Variants in STXBP5L observed in about 807,000 individuals in gnomAD.
STXBP5L encodes the protein syntaxin-binding protein 5-like.
In STXBP5L, 65 loss-of-function variants were observed where a neutral mutation model predicts 144.5. That is an observed-to-expected ratio of 0.45 (90% CI 0.37 to 0.55). STXBP5L has a LOEUF of 0.55. STXBP5L is among the 20% of genes least tolerant of loss of function. STXBP5L has a pLI of 0.00. For missense variants in STXBP5L, 1,298 were observed against 1,405.5 expected (o/e 0.92, Z 1.22); for synonymous variants, 505 against 469.6 (o/e 1.08, Z -0.97).
At chr3:120,950,834 C>T (rs1711171247) in intron 2 of STXBP5L, among the ~76,000 whole-genome samples, 1 of 151,980 alleles carries the variant, frequency 6.6e-6, no homozygotes, top group South Asian at 2.1e-4. Flanking sequence ...CAAAAAAGAG[C>T]CAGCATCGCC....
At chr3:121,005,962 T>G (rs574217837) in intron 3 of STXBP5L, among the ~76,000 whole-genome samples, 1 of 152,198 alleles carries the variant, frequency 6.6e-6, no homozygotes, top group African/African-American at 2.4e-5. Context: ...GAGGAGTGCT[T>G]TACTTCCAAC....
At chr3:121,316,988 T>A (rs796639071) in intron 19 of STXBP5L, among the ~76,000 whole-genome samples, 9 of 152,326 alleles carry the variant, frequency 5.9e-5, no homozygotes, top group African/African-American at 1.9e-4. Context: ...CCTAGAAAAC[T>A]CTTATAGCAA....
intron 3 of STXBP5L, among the ~76,000 whole-genome samples, chr3:120,993,033 G>C (rs1943053009): frequency 6.6e-6 from 1 of 152,018 alleles, no homozygotes; most frequent in South Asian, 2.1e-4. Flanking sequence ...GTTTTGATTT[G>C]CATGTATCTG....
At chr3:121,140,283 G>A (rs2045441504) in intron 7 of STXBP5L, among the ~76,000 whole-genome samples, 1 of 152,058 alleles carries the variant, frequency 6.6e-6, no homozygotes, top group African/African-American at 2.4e-5. Context: ...AACATATGGA[G>A]AGAAGGTAAT....
chr3:121,012,207 C>T (rs1944825207), intron 3 of STXBP5L, among the ~76,000 whole-genome samples: 2 of 151,770 alleles, frequency 1.3e-5, no homozygotes, highest in Non-Finnish European at 2.9e-5. Flanking sequence ...ATATTCATTA[C>T]AGTAGTTGAT....
At chr3:121,173,358 T>G (rs1197408627) in intron 9 of STXBP5L, among the ~76,000 whole-genome samples, 1 of 150,422 alleles carries the variant, frequency 6.6e-6, no homozygotes, top group Non-Finnish European at 1.5e-5. Context: ...ATAATGATAA[T>G]AGAATAGTGC....
intron 9 of STXBP5L, among the ~76,000 whole-genome samples, chr3:121,181,268 A>G (rs1318499520): frequency 1.3e-5 from 2 of 152,090 alleles, no homozygotes; most frequent in Non-Finnish European, 2.9e-5. Flanking sequence ...GTTAGCTGAG[A>G]TCGTGCCATT....
intron 10 of STXBP5L, among the ~76,000 whole-genome samples, chr3:121,218,588 C>T (rs928449139): frequency 2.0e-5 from 3 of 151,588 alleles, no homozygotes; most frequent in African/African-American, 4.8e-5. Flanking sequence ...CCTAACCCAG[C>T]CTTGAAGGGA....
chr3:121,083,462 G>T (rs796258686), intron 5 of STXBP5L, among the ~76,000 whole-genome samples: 11 of 151,588 alleles, frequency 7.3e-5, no homozygotes, highest in African/African-American at 2.7e-4. Flanking sequence ...ACAAGTTCAA[G>T]ACCAGCCTGG....
intron 7 of STXBP5L, among the ~76,000 whole-genome samples, chr3:121,122,400 C>T (rs898109216): frequency 6.6e-6 from 1 of 150,808 alleles, no homozygotes; most frequent in East Asian, 1.9e-4. Flanking sequence ...AATCAGGTGC[C>T]GTCAGAGTTT....
rs545077402 is a variant in STXBP5L, at chr3:121,318,457, T to C, written c.2111-18T>C. 1.3e-6 allele frequency: 2 copies of C among 1,536,098 alleles called. No individual in the cohort carries two copies. Among genetic ancestry groups the C allele is most frequent in the Admixed American group, 2.1e-5 (1 of 48,526 alleles). ...ATGCTAGCAAAATTTATCTCATTTT[T>C]TTTCATTGTATTTTCAGGTTTAACT... On this transcript the variant is annotated intron_variant, in intron 19 of 26. Coordinates refer to ENST00000471454, the MANE Select transcript of STXBP5L (RefSeq NM_001308330.2).
intron 2 of STXBP5L, among the ~76,000 whole-genome samples, chr3:120,945,232 C>A (rs543839542): frequency 6.6e-6 from 1 of 151,642 alleles, no homozygotes; most frequent in African/African-American, 2.4e-5. Flanking sequence ...ACCAAAAACT[C>A]GACAAGTAAC....
intron 9 of STXBP5L, among the ~76,000 whole-genome samples, chr3:121,173,436 G>A (rs2046810831): frequency 1.3e-5 from 2 of 151,752 alleles, no homozygotes; most frequent in South Asian, 4.2e-4. Flanking sequence ...AAACTTATCA[G>A]AGAACTCAGG....
At chr3:121,336,968 G>A (rs895531706) in intron 20 of STXBP5L, among the ~76,000 whole-genome samples, 2 of 152,124 alleles carry the variant, frequency 1.3e-5, no homozygotes, top group Admixed American at 6.6e-5. Context: ...GATGGAGCTG[G>A]AGGCCATCAT....
In STXBP5L at chr3:121,298,548, G is replaced by A. The variant is rs553259023; in HGVS notation, c.2110+18592G>A. ...ACAGATGAATGAATAAAGAAAATGTGGTAGATACATACAATGGAATATTAG... is the reference window on the plus strand; with the variant it reads ...ACAGATGAATGAATAAAGAAAATGTAGTAGATACATACAATGGAATATTAG... On this transcript the variant is annotated intron_variant, in intron 19 of 26. Transcript: ENST00000471454. Among the ~76,000 whole-genome samples the A allele has an allele frequency of 3.3e-5, 5 of 152,018 alleles. No homozygotes were observed. The East Asian group carries it at 7.7e-4, about 23-fold the overall frequency.
intron 3 of STXBP5L, among the ~76,000 whole-genome samples, chr3:120,974,008 G>A (rs927598680): frequency 1.3e-5 from 2 of 152,142 alleles, no homozygotes; most frequent in Non-Finnish European, 2.9e-5. Flanking sequence ...ACATACGTGT[G>A]CATGTGTCTT....
intron 9 of STXBP5L, among the ~76,000 whole-genome samples, chr3:121,185,208 G>C (rs1055462481): frequency 6.6e-6 from 1 of 152,192 alleles, no homozygotes; most frequent in Non-Finnish European, 1.5e-5. Flanking sequence ...CCCTTTGTCA[G>C]ATGAGTAGAT....
chr3:121,381,591 T>A, intron 22 of STXBP5L, 59 bp downstream of exon 22: 1 of 1,560,118 alleles, frequency 6.4e-7, no homozygotes, highest in Non-Finnish European at 8.6e-7. Context: ...AGATATAAGG[T>A]ATTATAAACA....
At position 120,933,915 on chromosome 3, in the gene STXBP5L, A is replaced by G. The variant is rs371111017; in HGVS notation, c.190-21025A>G. Among the ~76,000 whole-genome samples, 9 of 152,116 alleles carry G rather than the reference A, an allele frequency of 5.9e-5. No homozygotes were observed. In the East Asian group the frequency reaches 1.2e-3, roughly 20 times the overall value. On this transcript the variant is annotated intron_variant, in intron 2 of 26. Coordinates refer to ENST00000471454, the MANE Select transcript of STXBP5L (RefSeq NM_001308330.2). ...ATCTCCTTTATCTAGAGAGTGGATT[A>G]CTTTTAAAGGAATGATTGTAGTTTG...
Sources: allele counts gnomAD v4.1 joint callset (sites outside exome capture counted in the v4.1 genomes callset), GRCh38; gene constraint gnomAD v4.1.1; transcripts MANE v1.5; gene names NCBI Gene and HGNC (gene_info 2026-07-23, HGNC 2026-07-21).